The following ABCC6 variants were observed in gnomAD, a reference collection of about 807,000 sequenced individuals.
ABCC6 encodes the protein ATP-binding cassette sub-family C member 6.
Under a neutral mutation model 169.5 loss-of-function variants are expected in ABCC6, and 126 were observed. The ratio of observed to expected loss-of-function variants is 0.74; its 90% confidence interval spans 0.64 to 0.86. The LOEUF (loss-of-function observed/expected upper bound fraction) is 0.86. Among genes scored for constraint, ABCC6 ranks in the 40% least tolerant of loss-of-function variants. ABCC6 has a pLI of 0.00. For missense variants in ABCC6, 1,733 were observed against 1,927.2 expected (o/e 0.90, Z 1.89); for synonymous variants, 752 against 814.7 (o/e 0.92, Z 1.31).
intron 12 of ABCC6, among the ~76,000 whole-genome samples, chr16:16,189,720 C>G (rs111346085): frequency 0.013 from 2,042 of 152,148 alleles, 49 homozygotes; most frequent in African/African-American, 0.047. Context: ...ACCCAGCCTA[C>G]GTATCAAATT....
At chr16:16,150,860 A>G in intron 29 of ABCC6, 88 bp from the exon 30 acceptor site, 2 of 1,550,700 alleles carry the variant, frequency 1.3e-6, no homozygotes, top group Non-Finnish European at 1.7e-6. Context: ...TCCCTGAAGC[A>G]GTGCAGGAGT....
intron 17 of ABCC6, among the ~76,000 whole-genome samples, chr16:16,180,422 G>A (rs898994627): frequency 6.6e-6 from 1 of 152,082 alleles, no homozygotes; most frequent in African/African-American, 2.4e-5. Flanking sequence ...AATTTCCCTT[G>A]TGCACTATTG....
chr16:16,162,594 G>T (rs554057747), intron 24 of ABCC6, among the ~76,000 whole-genome samples: 11 of 152,320 alleles, frequency 7.2e-5, no homozygotes, highest in African/African-American at 2.6e-4. Context: ...GCTCAGAGAG[G>T]TTATGTAACT....
In ABCC6 at chr16:16,177,363, C is replaced by G. The variant is rs573433957; in HGVS notation, c.2590+89G>C. On this transcript the variant is annotated intron_variant, in intron 19 of 30. Coordinates refer to ENST00000205557, the MANE Select transcript of ABCC6 (RefSeq NM_001171.6). ...CTGCAGACAGGGTGTGGCCAGAGCA[C>G]TCCATTCATGCCAGTAGGACCCTTC... The G allele has an allele frequency of 4.7e-6, 7 of 1,488,436 alleles. No homozygotes were observed. In the East Asian group the frequency reaches 1.6e-4, roughly 34 times the overall value. 92.2% of individuals were successfully genotyped at this position (1,488,436 alleles called of 1,614,324 possible). A position where few individuals can be genotyped will look rare whatever the true frequency, so the allele number is the denominator to read the frequency against.
At chr16:16,191,897 T>G (rs760730385) in intron 11 of ABCC6, among the ~76,000 whole-genome samples, 25 of 152,204 alleles carry the variant, frequency 1.6e-4, no homozygotes, top group Non-Finnish European at 2.2e-4. Context: ...GATGCCGAGT[T>G]GGCCACAATC....
At chr16:16,161,886 C>A (rs1264439926) in intron 24 of ABCC6, among the ~76,000 whole-genome samples, 1 of 152,064 alleles carries the variant, frequency 6.6e-6, no homozygotes, top group Admixed American at 6.5e-5. Context: ...GCTCTGTGTC[C>A]CCACCCAAAT....
In ABCC6 at chr16:16,155,010, C is replaced by A; in HGVS notation, c.3904G>T (p.Gly1302Trp). 5 of 1,561,542 alleles carry A rather than the reference C, an allele frequency of 3.2e-6. No homozygotes were observed. The highest frequency in any genetic ancestry group is 4.3e-6 in the Non-Finnish European group (5 of 1,153,524). ...GEKVGIVGRT[G>W]AGKSSLASGL... Reference sequence around the variant, plus strand: ...CTGGCCAGGGAGGACTTCCCTGCCCCGGTCCTGCCAACGATGCCCACCTGC... The same window carrying A: ...CTGGCCAGGGAGGACTTCCCTGCCCAGGTCCTGCCAACGATGCCCACCTGC... Residue 1302 changes from glycine to tryptophan, a missense_variant, in exon 28 of 31, where the codon GGG (glycine) becomes TGG (tryptophan). By Grantham distance (184) the Gly-to-Trp change is radical. Transcript: ENST00000205557.
chr16:16,158,430 C>CATCA (rs1250884645), intron 26 of ABCC6, among the ~76,000 whole-genome samples: 1 of 144,466 alleles, frequency 6.9e-6, no homozygotes, highest in Non-Finnish European at 1.6e-5. Flanking sequence ...CCCACCCATC[C>CATCA]ATCCATCCAT....
At chr16:16,190,052 G>T in intron 12 of ABCC6, 112 bp downstream of exon 12, 2 of 1,114,296 alleles carry the variant, frequency 1.8e-6, no homozygotes, top group Non-Finnish European at 2.7e-6. Flanking sequence ...AGAATGAGTG[G>T]GTTTTGATGG....
At chr16:16,182,019 T>C (rs2047491301) in intron 17 of ABCC6, 1 of 313,190 alleles carries the variant, frequency 3.2e-6, no homozygotes, top group Non-Finnish European at 6.1e-6. Flanking sequence ...AATCCATAGC[T>C]CCAGATGCAT....
chr16:16,169,594 ACC>A, intron 22 of ABCC6, 50 bp downstream of exon 22: 1 of 1,598,886 alleles, frequency 6.3e-7, no homozygotes, highest in South Asian at 1.1e-5. Flanking sequence ...AGTCCTGAGC[ACC>A]CCTTGGTGCA....
chr16:16,169,136 G>T (rs1198458481), intron 22 of ABCC6, among the ~76,000 whole-genome samples: 1 of 152,154 alleles, frequency 6.6e-6, no homozygotes, highest in Non-Finnish European at 1.5e-5. Context: ...ATGGATTGAT[G>T]GGTGTCAGGA....
At chr16:16,181,650 C>T (rs1227418159) in intron 17 of ABCC6, 1 of 153,276 alleles carries the variant, frequency 6.5e-6, no homozygotes, top group Admixed American at 6.5e-5. Flanking sequence ...AGAGCCAGGT[C>T]ACAGGGACCT....
At position 16,182,940 on chromosome 16, in the gene ABCC6, C is replaced by A. The variant is rs775808219; in HGVS notation, c.1944-10G>T. The A allele has an allele frequency of 1.2e-6, 2 of 1,613,970 alleles. No homozygotes were observed. Among genetic ancestry groups the A allele is most frequent in the South Asian group, 1.1e-5 (1 of 91,084 alleles). On this transcript the variant is annotated splice_polypyrimidine_tract_variant and intron_variant, in intron 15 of 30. Coordinates refer to ENST00000205557, the MANE Select transcript of ABCC6 (RefSeq NM_001171.6). ...CACCGTGAGGTTTATTCTGGACACG[C>A]AAGAGGGGAGACATGACCTTGGTTA...
rs1337387527 is a variant in ABCC6 at position 16,173,405 on chromosome 16, C to T, written c.2667-1G>A. On this transcript the variant is annotated splice_acceptor_variant, in intron 20 of 30. Transcript: ENST00000205557. LOFTEE classifies it high-confidence loss of function. ...CTTCTCAGGGACTGACTTGATGGACCTGTCATTTAGAGGAAATGAAGACAA... is the reference window on the plus strand; with the variant it reads ...CTTCTCAGGGACTGACTTGATGGACTTGTCATTTAGAGGAAATGAAGACAA... 6.2e-7 allele frequency: 1 copy of T among 1,614,052 alleles called. No homozygotes were observed. Among genetic ancestry groups the T allele is most frequent in the East Asian group, 2.2e-5 (1 of 44,880 alleles).
intron 18 of ABCC6, among the ~76,000 whole-genome samples, chr16:16,178,452 G>A (rs970070323): frequency 3.3e-5 from 5 of 152,028 alleles, no homozygotes; most frequent in African/African-American, 7.3e-5. Context: ...TGCTCCTGCC[G>A]CCTTTCTTGT....
intron 9 of ABCC6, among the ~76,000 whole-genome samples, chr16:16,200,360 C>T (rs71390552): frequency 0.37 from 53,101 of 143,896 alleles, 10,134 homozygotes; most frequent in Admixed American, 0.45. Context: ...ACCCAGGGGG[C>T]GGAGGTTGTA....
intron 20 of ABCC6, among the ~76,000 whole-genome samples, chr16:16,175,363 G>C (rs1468732147): frequency 1.3e-5 from 2 of 152,156 alleles, no homozygotes; most frequent in African/African-American, 4.8e-5. Flanking sequence ...CATTAAGAGG[G>C]GAGAGTATCA....
chr16:16,165,889 C>T lies in ABCC6; in HGVS notation c.3040G>A (p.Ala1014Thr). ...TGGAAGAGCAACCTGGATGCCCGGG[C>T]CCCACCTAGGAGCACCGCAGCCATG... ...ASMAAVLLGG[A>T]RASRLLFQRL... is the part of the protein sequence containing the mutation. Residue 1014 changes from alanine (A) to threonine (T), a missense_variant, in exon 23 of 31, where the codon GCC becomes ACC. Physicochemically the swap from Ala to Thr is moderately conservative, Grantham distance 58. Around this residue, in one of 5 missense-constraint regions of ABCC6, gnomAD observed 1,601 missense variants for 1,635.5 expected, o/e 0.98. Transcript: ENST00000205557. The T allele has an allele frequency of 6.2e-7, 1 of 1,613,130 alleles. No homozygotes were observed. Among genetic ancestry groups the T allele is most frequent in the Non-Finnish European group, 8.5e-7 (1 of 1,179,994 alleles).
Sources: gnomAD v4.1 joint callset for allele counts (sites outside exome capture counted in the v4.1 genomes callset) on GRCh38, gnomAD v4.1.1 for gene constraint, gnomAD v4.1.1 regional missense constraint, MANE v1.5 for transcripts, NCBI Gene and HGNC (gene_info 2026-07-23, HGNC 2026-07-21) for gene names.